CELSR1: variants seen among roughly 807,000 people sequenced by gnomAD.
CELSR1 encodes cadherin EGF LAG seven-pass G-type receptor 1.
In CELSR1, 110 loss-of-function variants were observed where a neutral mutation model predicts 249.1. That is an observed-to-expected ratio of 0.44 (90% confidence interval 0.38 to 0.52). The LOEUF (loss-of-function observed/expected upper bound fraction) is 0.52. CELSR1 is among the 20% of genes least tolerant of loss of function. The pLI is 0.00. For synonymous variants in CELSR1, 2,113 were observed against 1,900.0 expected (o/e 1.11, Z -2.92); for missense variants, 4,109 against 4,296.4 (o/e 0.96, Z 1.22).
At position 46,441,520 on chromosome 22, in the gene CELSR1, CT is replaced by C. The variant is rs2079749158; in HGVS notation, c.4184-2110del. Among the ~76,000 whole-genome samples the C allele has an allele frequency of 6.6e-6, 1 of 152,162 alleles. No individual in the cohort carries two copies. Among genetic ancestry groups the C allele is most frequent in the African/African-American group, 2.4e-5 (1 of 41,446 alleles). ...AGATCGGGGGCTTATACAACAGACA[CT>C]TACTTCCCAGAGCTCTGGAGGTTGG... On this transcript the variant is annotated intron_variant, in intron 2 of 34. Coordinates refer to ENST00000674500, the MANE Select transcript of CELSR1 (RefSeq NM_001378328.1). This position sits in a 1 kb window ranked among gnomAD's most constrained non-coding sequence, Gnocchi z 6.1.
chr22:46,529,631 T>C (rs966969286), intron 1 of CELSR1, among the ~76,000 whole-genome samples: 5 of 151,892 alleles, frequency 3.3e-5, no homozygotes, highest in Non-Finnish European at 5.9e-5. Context: ...GGTGAAACCT[T>C]GTCTCTAAGA....
In CELSR1 at chr22:46,389,202, A is replaced by T. The variant is rs962791062; in HGVS notation, c.6555+88T>A. The T allele has an allele frequency of 1.3e-5, 18 of 1,371,090 alleles. 1 individual carries two copies. The Admixed American group carries it at 3.0e-4, about 23-fold the overall frequency. 84.9% of individuals were successfully genotyped at this position (1,371,090 alleles called of 1,614,324 possible). A position where few individuals can be genotyped will look rare whatever the true frequency, so the allele number is the denominator to read the frequency against. ...GGACACAACCGTCTTCCACGAACTGAGGTAGACGCCCAGCCCCACAGCACC... is the reference window on the plus strand; with the variant it reads ...GGACACAACCGTCTTCCACGAACTGTGGTAGACGCCCAGCCCCACAGCACC... On this transcript the variant is annotated intron_variant, in intron 18 of 34. Coordinates refer to ENST00000674500, the MANE Select transcript of CELSR1 (RefSeq NM_001378328.1).
In CELSR1 at chr22:46,386,447, G is replaced by A. The variant is rs142825308; in HGVS notation, c.6694C>T (p.Arg2232Trp). ...GYFSNVARNV[R>W]RTYLRPFVIV... The stretch of plus-strand genomic sequence containing the variant: ...ACGAAGGGCCGCAGGTACGTCCGCC[G>A]CACGTTGCGTGCCACGTTGCTGAAG... Residue 2232 changes from arginine (R) to tryptophan (W), a missense_variant, in exon 19 of 35, where the codon CGG (arginine) becomes TGG (tryptophan). Coordinates refer to ENST00000674500, the MANE Select transcript of CELSR1 (RefSeq NM_001378328.1). The A allele has an allele frequency of 1.0e-5, 16 of 1,600,656 alleles. No homozygotes were observed. Among genetic ancestry groups the A allele is most frequent in the East Asian group, 4.5e-5 (2 of 44,382 alleles).
chr22:46,453,122 G>A (rs569487583), intron 2 of CELSR1, among the ~76,000 whole-genome samples: 1 of 152,334 alleles, frequency 6.6e-6, no homozygotes, highest in East Asian at 1.9e-4. Context: ...GCCTGGATGT[G>A]GGGCCAGGGT....
rs2080655886 is a variant in CELSR1, at chr22:46,518,860, C to T, written c.3544+14767G>A. On this transcript the variant is annotated intron_variant, in intron 1 of 34. Coordinates refer to ENST00000674500, the MANE Select transcript of CELSR1 (RefSeq NM_001378328.1). This position sits in a 1 kb window ranked among gnomAD's most constrained non-coding sequence, Gnocchi z 5.2. ...CCAGCCTGGCAAACCTGGAGAAATC[C>T]CGTCTCTACTAAAAATACAAAAATT... 6.6e-6 allele frequency among the ~76,000 whole-genome samples: 1 copy of T among 152,104 alleles called. No individual in the cohort carries two copies. Among genetic ancestry groups the T allele is most frequent in the South Asian group, 2.1e-4 (1 of 4,826 alleles).
At position 46,362,249 on chromosome 22, in the gene CELSR1, G is replaced by C. The variant is rs914967800; in HGVS notation, c.*974C>G. The C allele has an allele frequency of 6.6e-6, 1 of 152,318 alleles. No homozygotes were observed. The highest frequency in any genetic ancestry group is 2.1e-4 in the South Asian group (1 of 4,830). 9.4% of individuals were successfully genotyped at this position (152,318 alleles called of 1,614,324 possible). ...ACCTGGGAGGCGGTGAGGGGAGGGG[G>C]TGGTGGTCACAGAATGACCAGGTGA... On this transcript the variant is annotated 3_prime_UTR_variant, in exon 35 of 35. Coordinates refer to ENST00000674500, the MANE Select transcript of CELSR1 (RefSeq NM_001378328.1).
intron 1 of CELSR1, among the ~76,000 whole-genome samples, chr22:46,516,559 T>C (rs563638690): frequency 1.4e-4 from 21 of 152,120 alleles, no homozygotes; most frequent in African/African-American, 5.1e-4. Context: ...AGGCCGGTCT[T>C]GAACTCCTGG....
rs1336710243 is a variant in CELSR1 at position 46,393,153 on chromosome 22, G to A, written c.5964+989C>T. ...CATCTGCAGGAAGCTCACGTCCCTC[G>A]CCCAGGCTCCTGTTACCCTCAGACC... is the stretch of plus-strand genomic sequence containing the variant. On this transcript the variant is annotated intron_variant, in intron 14 of 34. Transcript: ENST00000674500. This position sits in a 1 kb window ranked among gnomAD's most constrained non-coding sequence, Gnocchi z 4.1. Among the ~76,000 whole-genome samples the A allele has an allele frequency of 1.3e-5, 2 of 152,132 alleles. No individual in the cohort carries two copies. Among genetic ancestry groups the A allele is most frequent in the African/African-American group, 4.8e-5 (2 of 41,428 alleles).
rs1231725058 is a variant in CELSR1 at position 46,374,781 on chromosome 22, C to T, written c.7585-1724G>A. ...CTCAGAGCCTTCCCAGACCAATGCG[C>T]GGATGAGAACGTGCCCATTGCGGGG... On this transcript the variant is annotated intron_variant, in intron 24 of 34. Coordinates refer to ENST00000674500, the MANE Select transcript of CELSR1 (RefSeq NM_001378328.1). This position sits in a 1 kb window ranked among gnomAD's most constrained non-coding sequence, Gnocchi z 4.3. Among the ~76,000 whole-genome samples the T allele has an allele frequency of 2.0e-5, 3 of 152,288 alleles. No individual in the cohort carries two copies. The highest frequency in any genetic ancestry group is 1.9e-4 in the East Asian group (1 of 5,184).
rs143235059 is a variant in CELSR1, at chr22:46,361,491, T to A, written c.*1732A>T. 768 of 152,438 alleles carry A rather than the reference T, an allele frequency of 5.0e-3. 5 individuals carry two copies. Among genetic ancestry groups the A allele is most frequent in the African/African-American group, 0.018 (732 of 41,580 alleles). The allele number at this position is 152,438 out of a possible 1,614,324, so 9.4% of individuals were successfully genotyped here. ...CATGAAAGGAGACTGTTCGAAGACT[T>A]AAAAACCTTTTCGTACTTAGGAAAC... On this transcript the variant is annotated 3_prime_UTR_variant, in exon 35 of 35. Coordinates refer to ENST00000674500, the MANE Select transcript of CELSR1 (RefSeq NM_001378328.1).
rs144629152 is a variant in CELSR1, at chr22:46,457,368, C to A, written c.4183+6339G>T. Among the ~76,000 whole-genome samples, 663 of 152,146 alleles carry A rather than the reference C, an allele frequency of 4.4e-3. 6 individuals carry two copies. The highest frequency in any genetic ancestry group is 0.016 in the African/African-American group (645 of 41,504). On this transcript the variant is annotated intron_variant, in intron 2 of 34. Transcript: ENST00000674500. ...CGGGGGCGGGGAAAAAGATTATTCT[C>A]GCAGCCCCTGGGGTCCTAAAAGCAG...
intron 1 of CELSR1, among the ~76,000 whole-genome samples, chr22:46,499,382 G>A (rs908804225): frequency 2.0e-5 from 3 of 152,066 alleles, no homozygotes; most frequent in Non-Finnish European, 4.4e-5. Flanking sequence ...GAAAATCACA[G>A]GCTACTTAGT....
At chr22:46,475,564 T>G (rs1003264334) in intron 1 of CELSR1, among the ~76,000 whole-genome samples, 1 of 151,614 alleles carries the variant, frequency 6.6e-6, no homozygotes, top group Non-Finnish European at 1.5e-5. Flanking sequence ...CATGAAACAA[T>G]GTGAATGCAT....
At chr22:46,474,286 C>G (rs2080184548) in intron 1 of CELSR1, among the ~76,000 whole-genome samples, 1 of 152,154 alleles carries the variant, frequency 6.6e-6, no homozygotes, top group Non-Finnish European at 1.5e-5. Context: ...CTGACACCCC[C>G]AGGAAGCCCA....
At position 46,377,236 on chromosome 22, in the gene CELSR1, A is replaced by G. The variant is rs2078929049; in HGVS notation, c.7409T>C (p.Ile2470Thr). The G allele has an allele frequency of 6.2e-7, 1 of 1,614,048 alleles. No homozygotes were observed. The highest frequency in any genetic ancestry group is 1.7e-5 in the Admixed American group (1 of 60,024). The stretch of plus-strand genomic sequence containing the variant: ...CAAGGACACAGCGGCATAGGTGACA[A>G]TCTTCAGAGGCAGGACCTCCCCGTT... ...RENGEVLPLK[I>T]VTYAAVSLSL... is the part of the protein sequence containing the mutation. Residue 2470 changes from isoleucine (I) to threonine (T), a missense_variant, in exon 24 of 35, where the codon ATT (isoleucine) becomes ACT (threonine). Ile to Thr is a moderately conservative substitution (Grantham distance 89, BLOSUM62 -1). Transcript: ENST00000674500.
chr22:46,365,035 CAG>C (rs1644530236), intron 32 of CELSR1, among the ~76,000 whole-genome samples, 194 bp downstream of exon 32: 1 of 152,202 alleles, frequency 6.6e-6, no homozygotes, highest in African/African-American at 2.4e-5. Context: ...TGCCTCCGCT[CAG>C]GGGGTTGGCC....
intron 2 of CELSR1, among the ~76,000 whole-genome samples, chr22:46,449,596 C>T (rs556565180): frequency 6.6e-6 from 1 of 152,332 alleles, no homozygotes; most frequent in South Asian, 2.1e-4. Context: ...ATTCTTTAGG[C>T]AGTGGGGTTA....
At position 46,399,013 on chromosome 22, in the gene CELSR1, G is replaced by A. The variant is rs2079182598; in HGVS notation, c.5413-376C>T. Reference sequence around the variant, plus strand: ...AAATCCGCTCACTCATTAACACTGTGGGAACCCAAGAGGGTCTCGGCTGAG... The same window carrying A: ...AAATCCGCTCACTCATTAACACTGTAGGAACCCAAGAGGGTCTCGGCTGAG... On this transcript the variant is annotated intron_variant, in intron 10 of 34. Coordinates refer to ENST00000674500, the MANE Select transcript of CELSR1 (RefSeq NM_001378328.1). This position sits in a 1 kb window ranked among gnomAD's most constrained non-coding sequence, Gnocchi z 5.0. 6.6e-6 allele frequency among the ~76,000 whole-genome samples: 1 copy of A among 152,218 alleles called. No individual in the cohort carries two copies. Among genetic ancestry groups the A allele is most frequent in the South Asian group, 2.1e-4 (1 of 4,824 alleles).
rs199750230 is a variant in CELSR1 at position 46,464,060 on chromosome 22, G to A, written c.3830C>T (p.Ser1277Leu). 2.8e-5 allele frequency: 45 copies of A among 1,613,776 alleles called. No homozygotes were observed. In the East Asian group the frequency reaches 8.2e-4, roughly 30 times the overall value. The change falls in exon 2 of 35, where the codon TCG becomes TTG. Residue 1277 changes from serine (S) to leucine (L), a missense_variant. By Grantham distance (145) the Ser-to-Leu change is moderately radical (BLOSUM62 -2). Coordinates refer to ENST00000674500, the MANE Select transcript of CELSR1 (RefSeq NM_001378328.1). This position sits in a 1 kb window ranked among gnomAD's most constrained non-coding sequence, Gnocchi z 8.5. ...PGGVRGQFFP[S>L]EDLQEQIYLN... ...GTAGATCTGCTCCTGCAGGTCCTCC[G>A]ACGGGAAGAACTGGCCGCGGACGCC... is the stretch of plus-strand genomic sequence containing the variant.
Sources: gnomAD v4.1 joint callset for allele counts (sites outside exome capture counted in the v4.1 genomes callset) on GRCh38, gnomAD v4.1.1 for gene constraint, Gnocchi (gnomAD v3.1) non-coding constraint, MANE v1.5 for transcripts, NCBI Gene and HGNC (gene_info 2026-07-23, HGNC 2026-07-21) for gene names.